ZFHX3: variants seen among roughly 807,000 people sequenced by gnomAD.
ZFHX3 encodes zinc finger homeobox 3.
ZFHX3 carries 42 observed loss-of-function variants against 279.1 expected under a neutral mutation model. The observed-to-expected ratio is 0.15, with a 90% confidence interval of 0.12 to 0.19. ZFHX3 has a LOEUF of 0.19. Among genes scored for constraint, ZFHX3 ranks in the 10% least tolerant of loss-of-function variants. The pLI is 1.00. For missense variants in ZFHX3, 4,981 were observed against 4,754.0 expected (o/e 1.05, Z -1.40); for synonymous variants, 2,293 against 1,957.8 (o/e 1.17, Z -4.52).
intron 1 of ZFHX3, among the ~76,000 whole-genome samples, chr16:73,023,768 C>T (rs1451886409): frequency 6.6e-6 from 1 of 152,200 alleles, no homozygotes; most frequent in East Asian, 1.9e-4. Flanking sequence ...CCACGCCAAT[C>T]CTTGAGCCTA....
At chr16:73,248,307 G>C (rs62654028) in intron 5 of ZFHX3, among the ~76,000 whole-genome samples, 151,769 of 151,794 alleles carry the variant, frequency 1, 75,872 homozygotes, top group Middle Eastern at 1. Flanking sequence ...TATGATATGT[G>C]TGTGTGTATA....
chr16:73,567,040 G>A (rs1597002561), intron 2 of ZFHX3, among the ~76,000 whole-genome samples: 2 of 151,936 alleles, frequency 1.3e-5, no homozygotes, highest in East Asian at 2.0e-4. Context: ...GAGATAGGGG[G>A]GTATCCCTTT....
rs140680148 is a variant in ZFHX3 at position 72,797,051 on chromosome 16, C to T, written c.5631G>A (p.Lys1877=). ...CCTTTTCTTTGATGACCAATTTGTT[C>T]TTCTTTTCGGGGTGCTGGCTTGGCT... ...LLQPSQHPEK[K]NKLVIKEKEK... Residue 1877 remains lysine, a synonymous_variant, in exon 9 of 10, where the codon AAG becomes AAA. Transcript: ENST00000268489. 8.1e-5 allele frequency: 131 copies of T among 1,613,940 alleles called. No individual in the cohort carries two copies. The African/African-American group carries it at 1.7e-3, about 21-fold the overall frequency.
At chr16:72,857,965 G>C (rs1391052020) in intron 4 of ZFHX3, among the ~76,000 whole-genome samples, 1 of 152,222 alleles carries the variant, frequency 6.6e-6, no homozygotes, top group African/African-American at 2.4e-5. Flanking sequence ...CGGAGTAAGA[G>C]AGCAAGGACC....
At chr16:73,324,459 T>C (rs1353800500) in intron 3 of ZFHX3, among the ~76,000 whole-genome samples, 1 of 152,174 alleles carries the variant, frequency 6.6e-6, no homozygotes, top group Non-Finnish European at 1.5e-5. Flanking sequence ...GTATTCATTT[T>C]TGTGGGAAGA....
intron 1 of ZFHX3, among the ~76,000 whole-genome samples, chr16:73,707,491 C>CA (rs1347022102): frequency 3.4e-5 from 5 of 145,392 alleles, no homozygotes; most frequent in Non-Finnish European, 7.4e-5. Flanking sequence ...ATCTCAAGGA[C>CA]AAAAAACCAA....
intron 7 of ZFHX3, among the ~76,000 whole-genome samples, chr16:73,100,243 A>G (rs770485562): frequency 6.6e-6 from 1 of 152,218 alleles, no homozygotes; most frequent in Non-Finnish European, 1.5e-5. Flanking sequence ...TAGACAGTGC[A>G]GAGAAGACAG....
At chr16:73,177,768 A>G (rs563215068) in intron 5 of ZFHX3, among the ~76,000 whole-genome samples, 1 of 152,362 alleles carries the variant, frequency 6.6e-6, no homozygotes, top group East Asian at 1.9e-4. Context: ...AAAGAGTAGG[A>G]AAGGGATAGG....
At chr16:72,970,290 A>G (rs1962046686) in intron 1 of ZFHX3, among the ~76,000 whole-genome samples, 1 of 152,174 alleles carries the variant, frequency 6.6e-6, no homozygotes, top group Non-Finnish European at 1.5e-5. Flanking sequence ...TGAATATAAT[A>G]ATAAAAAGCA....
At chr16:72,908,185 C>T (rs1212959617) in intron 3 of ZFHX3, among the ~76,000 whole-genome samples, 2 of 152,134 alleles carry the variant, frequency 1.3e-5, no homozygotes, top group African/African-American at 2.4e-5. Flanking sequence ...GGCAGAGATG[C>T]TATGCCCTCC....
intron 3 of ZFHX3, among the ~76,000 whole-genome samples, chr16:73,434,932 G>A (rs2017971617): frequency 1.3e-5 from 2 of 152,144 alleles, no homozygotes; most frequent in African/African-American, 4.8e-5. Context: ...TAGAGTCGTG[G>A]GGTGGATTAA....
intron 7 of ZFHX3, among the ~76,000 whole-genome samples, chr16:73,127,781 G>A (rs746533627): frequency 2.0e-5 from 3 of 152,194 alleles, no homozygotes; most frequent in South Asian, 2.1e-4. Flanking sequence ...AAGCAGAATG[G>A]TGCCATATAG....
chr16:73,055,694 GCGCGCACACACACA>G (rs1278928822), intron 1 of ZFHX3, among the ~76,000 whole-genome samples: 2 of 138,040 alleles, frequency 1.4e-5, no homozygotes, highest in Admixed American at 7.1e-5. Context: ...GCGCGCGCGC[GCGCGCACACACACA>G]CACACACACA....
At chr16:72,808,000 T>C (rs2036322633) in intron 7 of ZFHX3, 1 of 152,194 alleles carries the variant, frequency 6.6e-6, no homozygotes, top group African/African-American at 2.4e-5. Flanking sequence ...TAGAGGGGCA[T>C]TTTTCATCAT....
intron 1 of ZFHX3, among the ~76,000 whole-genome samples, chr16:72,996,161 G>A (rs1008766209): frequency 6.6e-6 from 1 of 151,928 alleles, no homozygotes; most frequent in African/African-American, 2.4e-5. Context: ...GCGGGCACCT[G>A]TAATCTCAGC....
At chr16:73,664,811 C>A (rs548635463) in intron 2 of ZFHX3, among the ~76,000 whole-genome samples, 3 of 152,212 alleles carry the variant, frequency 2.0e-5, no homozygotes, top group Non-Finnish European at 2.9e-5. Flanking sequence ...TTCAGATACA[C>A]CCGGAGGAAA....
At chr16:73,852,023 CCAAGGTTT>C (rs1303359896) in intron 1 of ZFHX3, among the ~76,000 whole-genome samples, 1 of 152,144 alleles carries the variant, frequency 6.6e-6, no homozygotes, top group Non-Finnish European at 1.5e-5. Flanking sequence ...GAATGATTGC[CCAAGGTTT>C]CACTGGACAT....
chr16:73,766,076 A>T (rs1226854083), intron 1 of ZFHX3, among the ~76,000 whole-genome samples: 1 of 152,202 alleles, frequency 6.6e-6, no homozygotes, highest in Non-Finnish European at 1.5e-5. Flanking sequence ...ATCATATGGC[A>T]TTGAAGAAAA....
chr16:73,348,411 C>A (rs933422957), intron 3 of ZFHX3, among the ~76,000 whole-genome samples: 1 of 152,168 alleles, frequency 6.6e-6, no homozygotes, highest in South Asian at 2.1e-4. Flanking sequence ...CTCCTCCCAG[C>A]CCCCCAACCC....
Sources: gnomAD v4.1 joint callset for allele counts (sites outside exome capture counted in the v4.1 genomes callset) on GRCh38, gnomAD v4.1.1 for gene constraint, MANE v1.5 for transcripts, NCBI Gene and HGNC (gene_info 2026-07-23, HGNC 2026-07-21) for gene names.